ARFIP1: variants seen among roughly 807,000 people sequenced by gnomAD.
ARFIP1 encodes ARF interacting protein 1, also known as arfaptin-1.
ARFIP1 carries 24 observed loss-of-function variants against 42.5 expected under a neutral mutation model. The observed-to-expected ratio is 0.57, with a 90% CI of 0.41 to 0.80. The LOEUF is 0.80. Ranked by LOEUF, ARFIP1 falls within the 30% of genes least tolerant of loss-of-function variation. The probability of loss-of-function intolerance (pLI) is 0.00; values close to 1 mark genes in which losing one functional copy is unlikely to be tolerated. For missense variants in ARFIP1, 354 were observed against 434.0 expected (o/e 0.82, Z 1.64); for synonymous variants, 141 against 153.7 (o/e 0.92, Z 0.61).
chr4:152,869,604 A>G (rs1734707366), intron 3 of ARFIP1, among the ~76,000 whole-genome samples: 1 of 152,040 alleles, frequency 6.6e-6, no homozygotes, highest in Non-Finnish European at 1.5e-5. Flanking sequence ...TTGTGCCACC[A>G]TGCCCAGCAA....
intron 2 of ARFIP1, among the ~76,000 whole-genome samples, chr4:152,839,051 G>GT (rs1731868493): frequency 6.6e-6 from 1 of 152,060 alleles, no homozygotes; most frequent in Non-Finnish European, 1.5e-5. Flanking sequence ...TTTAACTTTT[G>GT]TTTTTAATTC....
intron 5 of ARFIP1, among the ~76,000 whole-genome samples, chr4:152,879,717 C>T (rs1311147535): frequency 2.0e-5 from 3 of 152,148 alleles, no homozygotes; most frequent in Middle Eastern, 3.4e-3. Flanking sequence ...CGTGTGGTGT[C>T]GCATGCCTCT....
At chr4:152,800,114 A>G (rs62319861) in intron 1 of ARFIP1, among the ~76,000 whole-genome samples, 6,494 of 152,288 alleles carry the variant, frequency 0.043, 170 homozygotes, top group South Asian at 0.11. Context: ...AGCTGAATTT[A>G]TCCTCCAATT....
intron 8 of ARFIP1, among the ~76,000 whole-genome samples, chr4:152,904,196 A>ATT (rs531633052): frequency 0.011 from 968 of 87,988 alleles, 14 homozygotes; most frequent in African/African-American, 0.045. Context: ...ATATATATAT[A>ATT]TATTTTTTTT....
intron 7 of ARFIP1, among the ~76,000 whole-genome samples, chr4:152,885,430 G>A (rs1346031134): frequency 2.0e-5 from 3 of 152,018 alleles, no homozygotes; most frequent in African/African-American, 4.8e-5. Context: ...TTGTGGTCGA[G>A]ACTTTTCAGA....
In ARFIP1 at chr4:152,872,554, A is replaced by G. The variant is rs1734979095; in HGVS notation, c.401A>G (p.Asn134Ser). ...GAACTTGTTAGAAAATGGAGTCTAA[A>G]CACCTATAAGGTTTGTAATTATTTA... is the stretch of plus-strand genomic sequence containing the variant. ...KLELVRKWSL[N>S]TYKCTRQIIS... The change falls in exon 5 of 9, where the codon AAC becomes AGC. Residue 134 changes from asparagine to serine, a missense_variant. Physicochemically the swap from Asn to Ser is conservative, Grantham distance 46. Transcript: ENST00000353617. 1.9e-6 allele frequency: 3 copies of G among 1,587,938 alleles called. No individual in the cohort carries two copies. Among genetic ancestry groups the G allele is most frequent in the South Asian group, 1.1e-5 (1 of 89,454 alleles).
At chr4:152,852,639 A>C (rs1187920344) in intron 2 of ARFIP1, among the ~76,000 whole-genome samples, 1 of 152,222 alleles carries the variant, frequency 6.6e-6, no homozygotes, top group Non-Finnish European at 1.5e-5. Flanking sequence ...CTCAAAAAAA[A>C]AAAAAAATTT....
At chr4:152,869,467 T>G (rs946341241) in intron 3 of ARFIP1, among the ~76,000 whole-genome samples, 1 of 151,828 alleles carries the variant, frequency 6.6e-6, no homozygotes, top group African/African-American at 2.4e-5. Context: ...TTTTTTTAAT[T>G]GAGACAGAGT....
At chr4:152,793,740 G>T (rs1731267452) in intron 1 of ARFIP1, among the ~76,000 whole-genome samples, 1 of 152,174 alleles carries the variant, frequency 6.6e-6, no homozygotes, top group Non-Finnish European at 1.5e-5. Context: ...GTTGACAGCT[G>T]ATAAACTGTG....
intron 1 of ARFIP1, among the ~76,000 whole-genome samples, chr4:152,803,219 T>C (rs1195607866): frequency 6.6e-6 from 1 of 152,134 alleles, no homozygotes; most frequent in Non-Finnish European, 1.5e-5. Context: ...GAAAGTTTGC[T>C]GGAGTGCTGT....
chr4:152,822,296 T>TAAAAAAAAAAAAAAAAAA (rs70949618), intron 1 of ARFIP1, among the ~76,000 whole-genome samples: 2 of 65,574 alleles, frequency 3.0e-5, no homozygotes, highest in Non-Finnish European at 6.6e-5. Flanking sequence ...GCAACAGCAG[T>TAAAAAAAAAAAAAAAAAA]AAAAAAAAAA....
chr4:152,809,719 A>C (rs533408349), intron 1 of ARFIP1: 88 of 152,354 alleles, frequency 5.8e-4, no homozygotes, highest in African/African-American at 1.9e-3. Context: ...GTTGTACAAT[A>C]TACTAGCTCT....
chr4:152,877,889 C>T (rs1234198143), intron 5 of ARFIP1, among the ~76,000 whole-genome samples: 1 of 152,126 alleles, frequency 6.6e-6, no homozygotes, highest in Non-Finnish European at 1.5e-5. Flanking sequence ...CTTTTGCCTC[C>T]CGCTATGATT....
intron 1 of ARFIP1, among the ~76,000 whole-genome samples, chr4:152,782,283 C>T (rs575522684): frequency 2.0e-5 from 3 of 150,930 alleles, no homozygotes; most frequent in East Asian, 3.9e-4. Context: ...AAATTGTTTG[C>T]TTTGGGACCA....
Position 152,901,715 on chromosome 4 carries a change from C to A in ARFIP1, c.967-8349C>A, listed in dbSNP as rs140252497. On this transcript the variant is annotated intron_variant, in intron 8 of 8. Coordinates refer to ENST00000353617, the MANE Select transcript of ARFIP1 (RefSeq NM_001025595.3). ...TGTATTAATATTTTATATTTTAAATCATTTCTAACTTAGGACATAAATAGT... is the reference window on the plus strand; with the variant it reads ...TGTATTAATATTTTATATTTTAAATAATTTCTAACTTAGGACATAAATAGT... 1.8e-4 allele frequency among the ~76,000 whole-genome samples: 27 copies of A among 152,236 alleles called. No individual in the cohort carries two copies. In the East Asian group the frequency reaches 5.2e-3, roughly 29 times the overall value.
rs115855386 is a variant in ARFIP1, at chr4:152,801,953, T to G, written c.-10+21727T>G. Among the ~76,000 whole-genome samples, 1,370 of 152,280 alleles carry G rather than the reference T, an allele frequency of 9.0e-3. 23 individuals carry two copies. The highest frequency in any genetic ancestry group is 0.031 in the African/African-American group (1,286 of 41,574). ...GATAAAAAGAGACAGAGCTGGACCT[T>G]AAGTCCATGTCTCTTAATATGTTGG... On this transcript the variant is annotated intron_variant, in intron 1 of 8. Transcript: ENST00000353617.
At chr4:152,904,198 A>ATTTTT (rs36092561) in intron 8 of ARFIP1, among the ~76,000 whole-genome samples, 148 of 126,682 alleles carry the variant, frequency 1.2e-3, no homozygotes, top group Middle Eastern at 3.9e-3. Context: ...ATATATATAT[A>ATTTTT]TTTTTTTTTT....
intron 1 of ARFIP1, among the ~76,000 whole-genome samples, chr4:152,804,795 T>C (rs1332289808): frequency 6.6e-6 from 1 of 151,984 alleles, no homozygotes; most frequent in East Asian, 1.9e-4. Context: ...ATATGTAAAA[T>C]TAATGTGAAA....
chr4:152,787,440 C>T (rs1212101933), intron 1 of ARFIP1, among the ~76,000 whole-genome samples: 6 of 152,212 alleles, frequency 3.9e-5, no homozygotes, highest in African/African-American at 1.2e-4. Flanking sequence ...AAAGACCTGC[C>T]TAGCCCCCTT....
Sources: gnomAD v4.1 joint callset for allele counts (sites outside exome capture counted in the v4.1 genomes callset) on GRCh38, gnomAD v4.1.1 for gene constraint, MANE v1.5 for transcripts, NCBI Gene and HGNC (gene_info 2026-07-23, HGNC 2026-07-21) for gene names.